MAPK8: variants seen among roughly 807,000 people sequenced by gnomAD.
MAPK8 encodes mitogen-activated protein kinase 8.
Under a neutral mutation model 52.9 loss-of-function variants are expected in MAPK8, and 13 were observed. That is an observed-to-expected ratio of 0.25 (90% CI 0.16 to 0.39). The LOEUF (loss-of-function observed/expected upper bound fraction) is 0.39, where lower values mean the gene tolerates loss of function less well. Ranked by LOEUF, MAPK8 falls within the 10% of genes least tolerant of loss-of-function variation. The pLI, the probability that MAPK8 is intolerant of heterozygous loss-of-function variation, is 1.00. For missense variants in MAPK8, 300 were observed against 519.2 expected (o/e 0.58, Z 4.10); for synonymous variants, 191 against 169.8 (o/e 1.12, Z -0.97).
chr10:48,357,585 A>G (rs530182935), intron 1 of MAPK8, among the ~76,000 whole-genome samples: 2 of 152,132 alleles, frequency 1.3e-5, no homozygotes, highest in African/African-American at 4.8e-5. Flanking sequence ...TTTAATAGAG[A>G]TGGAGTTTCA....
At chr10:48,356,899 C>CAAA (rs201368039) in intron 1 of MAPK8, among the ~76,000 whole-genome samples, 1 of 47,240 alleles carries the variant, frequency 2.1e-5, no homozygotes, top group African/African-American at 7.4e-5. Flanking sequence ...CGTAGTTTAC[C>CAAA]AAAAAAAAAA....
At chr10:48,351,247 A>G (rs920650192) in intron 1 of MAPK8, among the ~76,000 whole-genome samples, 3 of 151,524 alleles carry the variant, frequency 2.0e-5, no homozygotes, top group Admixed American at 6.6e-5. Context: ...GACTTTCTTC[A>G]CAGAATTAGA....
intron 1 of MAPK8, among the ~76,000 whole-genome samples, chr10:48,324,687 T>G (rs971788604): frequency 3.9e-5 from 6 of 152,166 alleles, no homozygotes; most frequent in African/African-American, 1.2e-4. Context: ...ATATTTAGTT[T>G]TTTTTTGGCT....
At chr10:48,381,216 G>A (rs2040981413) in intron 1 of MAPK8, among the ~76,000 whole-genome samples, 2 of 152,058 alleles carry the variant, frequency 1.3e-5, no homozygotes, top group African/African-American at 2.4e-5. Flanking sequence ...GACCAGATAA[G>A]ATTTTCATGA....
chr10:48,351,269 T>C (rs1205061154), intron 1 of MAPK8, among the ~76,000 whole-genome samples: 2 of 114,194 alleles, frequency 1.8e-5, no homozygotes, highest in Non-Finnish European at 3.5e-5. Flanking sequence ...AAAATAACTT[T>C]GAATTTTTTT....
chr10:48,427,259 T>C lies in MAPK8; in HGVS notation c.1060+116T>C, dbSNP rs1056656373. ...TTTAATATGCATAACCGAAATGTGG[T>C]AATATTAATATTTTTACATAAGTAG... On this transcript the variant is annotated intron_variant, in intron 10 of 11. Transcript: ENST00000374189. 105 of 613,058 alleles carry C rather than the reference T, an allele frequency of 1.7e-4. 1 individual carries two copies. The African/African-American group carries it at 1.8e-3, about 10-fold the overall frequency. 38.0% of individuals were successfully genotyped at this position (613,058 alleles called of 1,614,324 possible). A position where few individuals can be genotyped will look rare whatever the true frequency, so the allele number is the denominator to read the frequency against.
chr10:48,423,310 AC>A (rs1228984049), intron 6 of MAPK8, among the ~76,000 whole-genome samples: 1 of 152,200 alleles, frequency 6.6e-6, no homozygotes, highest in African/African-American at 2.4e-5. Context: ...GAACTGACTT[AC>A]TGTATCTAGC....
intron 1 of MAPK8, among the ~76,000 whole-genome samples, chr10:48,349,409 A>T (rs1460440627): frequency 6.6e-6 from 1 of 152,192 alleles, no homozygotes; most frequent in Non-Finnish European, 1.5e-5. Context: ...AAGAGCAGAA[A>T]TCATAACAGT....
At position 48,309,749 on chromosome 10, in the gene MAPK8, T is replaced by G. The variant is rs541099214; in HGVS notation, c.-50+2928T>G. On this transcript the variant is annotated intron_variant, in intron 1 of 11. Coordinates refer to ENST00000374189, the MANE Select transcript of MAPK8 (RefSeq NM_001323329.2). ...CGGGTTGAATTTTGACATATTTCAGTCATCTACATGGTTGAGATGCTTTGT... is the reference window on the plus strand; with the variant it reads ...CGGGTTGAATTTTGACATATTTCAGGCATCTACATGGTTGAGATGCTTTGT... Among the ~76,000 whole-genome samples, 67 of 152,316 alleles carry G rather than the reference T, an allele frequency of 4.4e-4. 1 individual carries two copies. The highest frequency in any genetic ancestry group is 1.6e-3 in the African/African-American group (66 of 41,580).
chr10:48,437,059 TAC>T lies in MAPK8; in HGVS notation c.*2032_*2033del, dbSNP rs1455013397. ...ATTGCTGATAAGCCATCTCTATTGA[TAC>T]AGATTTTGGTTAAGTAAGGAAAACC... is the stretch of plus-strand genomic sequence containing the variant. On this transcript the variant is annotated 3_prime_UTR_variant, in exon 12 of 12. Transcript: ENST00000374189. 1 of 152,262 alleles carries T rather than the reference TAC, an allele frequency of 6.6e-6. No individual in the cohort carries two copies. The highest frequency in any genetic ancestry group is 2.4e-5 in the African/African-American group (1 of 41,470). The allele number at this position is 152,262 out of a possible 1,614,324, so 9.4% of individuals were successfully genotyped here.
At chr10:48,316,602 A>G (rs1265697513) in intron 1 of MAPK8, among the ~76,000 whole-genome samples, 4 of 152,220 alleles carry the variant, frequency 2.6e-5, no homozygotes, top group African/African-American at 9.6e-5. Context: ...ATGAATGTAG[A>G]CAGGAGGGTC....
At chr10:48,388,494 T>C (rs2041441877) in intron 1 of MAPK8, among the ~76,000 whole-genome samples, 1 of 152,148 alleles carries the variant, frequency 6.6e-6, no homozygotes. Flanking sequence ...TGGTGGTTGC[T>C]GTGGGAATCA....
rs1350281759 is a variant in MAPK8, at chr10:48,438,684, TTACTG to T, written c.*3656_*3660del. 6.6e-6 allele frequency: 1 copy of T among 152,250 alleles called. No homozygotes were observed. The highest frequency in any genetic ancestry group is 1.9e-4 in the East Asian group (1 of 5,200). The allele number at this position is 152,250 out of a possible 1,614,324, so 9.4% of individuals were successfully genotyped here. A position where few individuals can be genotyped will look rare whatever the true frequency, so the allele number is the denominator to read the frequency against. On this transcript the variant is annotated 3_prime_UTR_variant, in exon 12 of 12. Coordinates refer to ENST00000374189, the MANE Select transcript of MAPK8 (RefSeq NM_001323329.2). ...AGTAAGCTGTTGCCCTGTTAGATCT[TTACTG>T]AGTGAATTATAAATGTGTGTTAAAT...
chr10:48,370,078 A>G (rs746619456), intron 1 of MAPK8, among the ~76,000 whole-genome samples: 18 of 152,190 alleles, frequency 1.2e-4, no homozygotes, highest in Non-Finnish European at 2.5e-4. Context: ...GCTAGGAGAA[A>G]GAGTGATAAT....
At chr10:48,330,817 A>G (rs1024387498) in intron 1 of MAPK8, among the ~76,000 whole-genome samples, 1 of 151,812 alleles carries the variant, frequency 6.6e-6, no homozygotes, top group Non-Finnish European at 1.5e-5. Context: ...GTAACTTTCA[A>G]TTTCCCAATA....
rs371552445 is a variant in MAPK8, at chr10:48,393,611, C to G, written c.-49-8001C>G. Among the ~76,000 whole-genome samples, 143 of 152,164 alleles carry G rather than the reference C, an allele frequency of 9.4e-4. 1 individual carries two copies. The highest frequency in any genetic ancestry group is 3.3e-3 in the African/African-American group (138 of 41,554). On this transcript the variant is annotated intron_variant, in intron 1 of 11. Transcript: ENST00000374189. ...GTTTTCAGTATTAAAATAGTATTTA[C>G]AAAGCCCTTGAAACAGGACCCCATG...
intron 7 of MAPK8, chr10:48,424,733 T>C: frequency 2.1e-6 from 1 of 474,816 alleles, no homozygotes. Flanking sequence ...ACATAGACTT[T>C]TCCTTCCGTT....
intron 1 of MAPK8, among the ~76,000 whole-genome samples, chr10:48,328,310 T>G (rs1335134839): frequency 6.6e-6 from 1 of 152,104 alleles, no homozygotes; most frequent in African/African-American, 2.4e-5. Flanking sequence ...CTTTTTTTTT[T>G]TTCTTTGTAT....
chr10:48,312,505 G>A lies in MAPK8; in HGVS notation c.-50+5684G>A, dbSNP rs78580626. On this transcript the variant is annotated intron_variant, in intron 1 of 11. Transcript: ENST00000374189. ...CCATATTTCTGGGGAAACTAGAAAC[G>A]AAAAATAGCCACACACAAGCACTTG... Among the ~76,000 whole-genome samples, 54 of 152,192 alleles carry A rather than the reference G, an allele frequency of 3.5e-4. No individual in the cohort carries two copies. The East Asian group carries it at 7.7e-3, about 22-fold the overall frequency.
Sources: allele counts gnomAD v4.1 joint callset (sites outside exome capture counted in the v4.1 genomes callset), GRCh38; gene constraint gnomAD v4.1.1; transcripts MANE v1.5; gene names NCBI Gene and HGNC (gene_info 2026-07-23, HGNC 2026-07-21).